The following TMEM38B variants were observed in gnomAD, a reference collection of about 807,000 sequenced individuals.
TMEM38B encodes trimeric intracellular cation channel type B.
In TMEM38B, 24 loss-of-function variants were observed where a neutral mutation model predicts 28.7. The observed-to-expected ratio is 0.84, with a 90% CI of 0.61 to 1.18. The LOEUF is 1.18. Ranked by LOEUF, TMEM38B falls within the 50% of genes most tolerant of loss-of-function variation. TMEM38B has a pLI of 0.00. For missense variants in TMEM38B, 380 were observed against 350.9 expected (o/e 1.08, Z -0.66); for synonymous variants, 131 against 127.7 (o/e 1.03, Z -0.17).
At chr9:105,702,633 G>A (rs1012563131) in intron 1 of TMEM38B, 1 of 152,170 alleles carries the variant, frequency 6.6e-6, no homozygotes, top group African/African-American at 2.4e-5. Context: ...AGTACAGTGT[G>A]ACTTTATTTT....
chr9:105,758,060 TCGG>T (rs1837898188), intron 5 of TMEM38B: 1 of 311,260 alleles, frequency 3.2e-6, no homozygotes, highest in Admixed American at 4.5e-5. Context: ...GCTATTCAAA[TCGG>T]CGGCAGGGCC....
chr9:105,696,863 T>C (rs1835305858), intron 1 of TMEM38B, among the ~76,000 whole-genome samples: 1 of 152,208 alleles, frequency 6.6e-6, no homozygotes, highest in South Asian at 2.1e-4. Context: ...CAAGGAACAG[T>C]AGATAAAATA....
intron 5 of TMEM38B, chr9:105,749,017 T>C: frequency 8.0e-7 from 1 of 1,242,484 alleles, no homozygotes; most frequent in Non-Finnish European, 1.1e-6. Context: ...GGATAGATTA[T>C]ATAAATATGT....
chr9:105,706,487 G>A (rs1444616801), intron 2 of TMEM38B, among the ~76,000 whole-genome samples: 1 of 152,210 alleles, frequency 6.6e-6, no homozygotes, highest in Non-Finnish European at 1.5e-5. Context: ...TAAAGACAGA[G>A]CGAGGTTTTT....
chr9:105,735,743 T>G (rs1836948535), intron 4 of TMEM38B, among the ~76,000 whole-genome samples: 3 of 152,214 alleles, frequency 2.0e-5, no homozygotes, highest in Admixed American at 2.0e-4. Context: ...TTTGACAGTT[T>G]GGTGATTATG....
intron 2 of TMEM38B, among the ~76,000 whole-genome samples, chr9:105,708,711 CT>C (rs1314090746): frequency 6.6e-6 from 1 of 152,040 alleles, no homozygotes; most frequent in East Asian, 1.9e-4. Context: ...TCTTTGTAAT[CT>C]TTTTTTCCTC....
chr9:105,772,922 T>C (rs1826602861), intron 5 of TMEM38B, among the ~76,000 whole-genome samples: 1 of 152,166 alleles, frequency 6.6e-6, no homozygotes, highest in South Asian at 2.1e-4. Flanking sequence ...GATGAATATA[T>C]ACTTTTCTTC....
At position 105,721,598 on chromosome 9, in the gene TMEM38B, C is replaced by G; in HGVS notation, c.331C>G (p.Gln111Glu). ...CCAGGGCTATTCATATCTACCTGTTCAACTACTGGCTTCGGGAATGAAGGA... is the reference window on the plus strand; with the variant it reads ...CCAGGGCTATTCATATCTACCTGTTGAACTACTGGCTTCGGGAATGAAGGA... ...VSQGYSYLPVQLLASGMKEVT... is the reference protein window; with the variant it reads ...VSQGYSYLPVELLASGMKEVT... Residue 111 changes from glutamine (Q) to glutamate (E), a missense_variant, in exon 3 of 6, where the codon CAA (glutamine) becomes GAA (glutamate). Gln to Glu is a conservative substitution (Grantham distance 29). Transcript: ENST00000374692. 8 of 1,613,496 alleles carry G rather than the reference C, an allele frequency of 5.0e-6. No individual in the cohort carries two copies. Among genetic ancestry groups the G allele is most frequent in the Non-Finnish European group, 6.8e-6 (8 of 1,179,632 alleles).
chr9:105,704,722 G>A (rs912559630), intron 1 of TMEM38B, among the ~76,000 whole-genome samples: 1 of 152,018 alleles, frequency 6.6e-6, no homozygotes, highest in African/African-American at 2.4e-5. Flanking sequence ...TCAGGAGTTT[G>A]AGACCAGCCT....
intron 2 of TMEM38B, among the ~76,000 whole-genome samples, chr9:105,717,589 T>C (rs1836153551): frequency 1.3e-5 from 2 of 152,032 alleles, no homozygotes; most frequent in Non-Finnish European, 1.5e-5. Flanking sequence ...AACAGAAAAA[T>C]ACATATGATT....
At chr9:105,736,045 C>A (rs1403068844) in intron 4 of TMEM38B, among the ~76,000 whole-genome samples, 1 of 145,040 alleles carries the variant, frequency 6.9e-6, no homozygotes, top group East Asian at 2.2e-4. Context: ...AACTAAAACA[C>A]ATTTTTTTTG....
chr9:105,751,100 T>A (rs1263132239), intron 5 of TMEM38B, among the ~76,000 whole-genome samples: 2 of 152,198 alleles, frequency 1.3e-5, no homozygotes, highest in African/African-American at 4.8e-5. Flanking sequence ...GATGGCTGAT[T>A]AGAAGCAGCT....
chr9:105,713,101 C>A (rs1242316536), intron 2 of TMEM38B, among the ~76,000 whole-genome samples: 1 of 152,216 alleles, frequency 6.6e-6, no homozygotes, highest in African/African-American at 2.4e-5. Context: ...GGCTGGAGCT[C>A]CCCAGGTGCA....
At chr9:105,721,857 T>A (rs991642207) in intron 3 of TMEM38B, 136 bp downstream of exon 3, 5 of 650,648 alleles carry the variant, frequency 7.7e-6, no homozygotes, top group Non-Finnish European at 1.2e-5. Flanking sequence ...AAAACCTTGT[T>A]TCTGTTGGCT....
intron 5 of TMEM38B, among the ~76,000 whole-genome samples, chr9:105,755,182 G>A (rs1837792821): frequency 6.6e-6 from 1 of 152,144 alleles, no homozygotes; most frequent in South Asian, 2.1e-4. Context: ...AGGACCAGAT[G>A]GATTCACAGC....
At chr9:105,770,378 A>G (rs1363376463) in intron 5 of TMEM38B, among the ~76,000 whole-genome samples, 1 of 152,182 alleles carries the variant, frequency 6.6e-6, no homozygotes, top group East Asian at 1.9e-4. Context: ...TTGACTGACT[A>G]ATAAATGATC....
At chr9:105,705,387 G>C (rs1023092509) in intron 1 of TMEM38B, among the ~76,000 whole-genome samples, 1 of 152,154 alleles carries the variant, frequency 6.6e-6, no homozygotes, top group Non-Finnish European at 1.5e-5. Context: ...GTGCCAAAGT[G>C]CCAAAAATCA....
intron 4 of TMEM38B, among the ~76,000 whole-genome samples, chr9:105,744,083 G>A (rs911885495): frequency 7.9e-5 from 12 of 151,384 alleles, no homozygotes. Context: ...TTTGACAAAA[G>A]ACATCATAAA....
chr9:105,759,385 G>A, intron 5 of TMEM38B: 3 of 1,441,438 alleles, frequency 2.1e-6, no homozygotes, highest in East Asian at 2.3e-5. Flanking sequence ...GAAAAAAGAA[G>A]AATAAGATTC....
Sources: gnomAD v4.1 joint callset for allele counts (sites outside exome capture counted in the v4.1 genomes callset) on GRCh38, gnomAD v4.1.1 for gene constraint, MANE v1.5 for transcripts, NCBI Gene and HGNC (gene_info 2026-07-23, HGNC 2026-07-21) for gene names.